HTR4: variants seen among roughly 807,000 people sequenced by gnomAD.
HTR4 encodes the protein 5-hydroxytryptamine receptor 4.
A neutral mutation model predicts 36.8 loss-of-function variants in HTR4; 16 were observed. That is an observed-to-expected ratio of 0.43 (90% CI 0.29 to 0.66). HTR4 has a LOEUF of 0.66. Among genes scored for constraint, HTR4 ranks in the 30% least tolerant of loss-of-function variants. The probability of loss-of-function intolerance (pLI) is 0.13; values close to 1 mark genes in which losing one functional copy is unlikely to be tolerated. For synonymous variants in HTR4, 189 were observed against 185.1 expected (o/e 1.02, Z -0.17); for missense variants, 438 against 490.9 (o/e 0.89, Z 1.02).
intron 5 of HTR4, 32 bp downstream of exon 5, chr5:148,523,161 A>G (rs774841982): frequency 6.3e-7 from 1 of 1,588,726 alleles, no homozygotes; most frequent in Non-Finnish European, 8.6e-7. Context: ...TTGATCAGAC[A>G]GTAAACCAGT....
In HTR4 at chr5:148,523,340, G is replaced by A. The variant is rs201815307; in HGVS notation, c.360C>T (p.Tyr120=). ...HLCCISLDRY[Y]AICCQPLVYR... ...AGACCAAAGGCTGGCAGCAGATGGC[G>A]TAATACCTGGAGAGAGAATAGAGGG... is the stretch of plus-strand genomic sequence containing the variant. The change falls in exon 5 of 7, where the codon TAC becomes TAT. Residue 120 remains tyrosine (Y), a synonymous_variant. Transcript: ENST00000377888. The A allele has an allele frequency of 8.0e-5, 128 of 1,608,206 alleles. No homozygotes were observed. The highest frequency in any genetic ancestry group is 4.0e-4 in the South Asian group (36 of 90,030).
At chr5:148,472,027 A>G (rs1755580501), downstream of HTR4, among the ~76,000 whole-genome samples, 1 of 152,156 alleles carries the variant, frequency 6.6e-6, no homozygotes, top group Non-Finnish European at 1.5e-5. Flanking sequence ...ATACTCACAT[A>G]GGGTTCCACT....
chr5:148,504,855 A>G (rs959334326), intron 6 of HTR4, among the ~76,000 whole-genome samples: 1 of 152,248 alleles, frequency 6.6e-6, no homozygotes, highest in Non-Finnish European at 1.5e-5. Context: ...ATCAGAGAAT[A>G]CTATAAACAC....
At chr5:148,594,351 CGTGTGTGT>C (rs59165561) in intron 2 of HTR4, among the ~76,000 whole-genome samples, 2 of 148,566 alleles carry the variant, frequency 1.3e-5, no homozygotes, top group African/African-American at 2.5e-5. Flanking sequence ...TTCTGGGTTT[CGTGTGTGT>C]GTGTGTGTGT....
intron 2 of HTR4, among the ~76,000 whole-genome samples, chr5:148,561,059 T>C (rs1380185395): frequency 2.0e-5 from 3 of 151,962 alleles, no homozygotes; most frequent in Non-Finnish European, 4.4e-5. Flanking sequence ...TTTTATTTGA[T>C]TTTTTTTGAA....
At chr5:148,568,865 GT>G (rs1243727901) in intron 2 of HTR4, among the ~76,000 whole-genome samples, 2 of 152,064 alleles carry the variant, frequency 1.3e-5, no homozygotes, top group Admixed American at 6.6e-5. Context: ...TGTTGCTATA[GT>G]TTTTTGTAAA....
intron 2 of HTR4, among the ~76,000 whole-genome samples, chr5:148,552,692 T>C (rs1163517825): frequency 6.6e-6 from 1 of 152,268 alleles, no homozygotes; most frequent in Non-Finnish European, 1.5e-5. Flanking sequence ...TACTGTTATC[T>C]GAAATGACTT....
At chr5:148,488,573 A>G (rs6883389) in intron 6 of HTR4, among the ~76,000 whole-genome samples, 24,634 of 152,150 alleles carry the variant, frequency 0.16, 3,685 homozygotes, top group African/African-American at 0.38. Context: ...AAATAATAGC[A>G]TGGCATGGGT....
intron 4 of HTR4, among the ~76,000 whole-genome samples, chr5:148,526,345 T>C (rs749977218): frequency 3.3e-5 from 5 of 152,198 alleles, no homozygotes; most frequent in Non-Finnish European, 7.3e-5. Flanking sequence ...TCAATATACT[T>C]TCAGATCATA....
At chr5:148,554,960 T>A (rs905574237) in intron 2 of HTR4, among the ~76,000 whole-genome samples, 4 of 152,074 alleles carry the variant, frequency 2.6e-5, no homozygotes, top group Non-Finnish European at 5.9e-5. Flanking sequence ...TCCATCGATG[T>A]TGCTGCAAAG....
intron 1 of HTR4, among the ~76,000 whole-genome samples, chr5:148,653,697 G>A (rs893129387): frequency 4.0e-5 from 6 of 151,786 alleles, no homozygotes; most frequent in African/African-American, 1.5e-4. Flanking sequence ...TTACACACTT[G>A]GCTATGGATG....
At chr5:148,502,655 T>C (rs1220514779) in intron 6 of HTR4, among the ~76,000 whole-genome samples, 2 of 152,166 alleles carry the variant, frequency 1.3e-5, no homozygotes, top group African/African-American at 4.8e-5. Flanking sequence ...GAGAATGACT[T>C]TGACAAGTTG....
chr5:148,566,690 T>A (rs932438743), intron 2 of HTR4, among the ~76,000 whole-genome samples: 1 of 152,166 alleles, frequency 6.6e-6, no homozygotes, highest in Non-Finnish European at 1.5e-5. Flanking sequence ...AAATCTGGTA[T>A]ATGTATGTGA....
downstream of HTR4, among the ~76,000 whole-genome samples, chr5:148,478,125 G>A (rs958488008): frequency 2.0e-5 from 3 of 152,200 alleles, no homozygotes; most frequent in Non-Finnish European, 4.4e-5. Context: ...AAGAGACCCT[G>A]CCTCATAGTC....
rs114713125 is a variant in HTR4 at position 148,564,350 on chromosome 5, G to A, written c.27-14088C>T. ...TCCTGACCTCAATATTGTCCCTGTC[G>A]TATATGCTTCCATTGTACCCTATAA... On this transcript the variant is annotated intron_variant, in intron 2 of 6. Transcript: ENST00000377888. Among the ~76,000 whole-genome samples the A allele has an allele frequency of 7.0e-3, 1,061 of 152,126 alleles. 10 individuals are homozygous for A. The highest frequency in any genetic ancestry group is 0.024 in the African/African-American group (983 of 41,488).
In HTR4 at chr5:148,481,967, T is replaced by C. The variant is rs940833446; in HGVS notation, c.*1236A>G. 3 of 1,050,294 alleles carry C rather than the reference T, an allele frequency of 2.9e-6. No homozygotes were observed. Among genetic ancestry groups the C allele is most frequent in the African/African-American group, 3.4e-5 (2 of 59,252 alleles). 65.1% of individuals were successfully genotyped at this position (1,050,294 alleles called of 1,614,324 possible). A position where few individuals can be genotyped will look rare whatever the true frequency, so the allele number is the denominator to read the frequency against. The stretch of plus-strand genomic sequence containing the variant: ...GGCTTCTCGAGGTAGCAGACGGCTA[T>C]AGCAGCATACTGTTGTCTTAGAAAC... On this transcript the variant is annotated 3_prime_UTR_variant, in exon 7 of 7. Transcript: ENST00000377888.
At chr5:148,635,668 A>G (rs1753507729) in intron 2 of HTR4, among the ~76,000 whole-genome samples, 1 of 152,192 alleles carries the variant, frequency 6.6e-6, no homozygotes, top group Non-Finnish European at 1.5e-5. Context: ...CTGAAATTTA[A>G]AACAATATTA....
At chr5:148,566,638 G>T (rs761018245) in intron 2 of HTR4, among the ~76,000 whole-genome samples, 1 of 152,076 alleles carries the variant, frequency 6.6e-6, no homozygotes, top group Non-Finnish European at 1.5e-5. Context: ...AAGAAATTTG[G>T]CATTTCGTAC....
intron 2 of HTR4, among the ~76,000 whole-genome samples, chr5:148,597,751 A>G (rs925467346): frequency 2.6e-5 from 4 of 152,184 alleles, no homozygotes; most frequent in Admixed American, 6.5e-5. Context: ...ATGTTAAAGA[A>G]TCAATTTCTT....
Sources: allele counts gnomAD v4.1 joint callset (sites outside exome capture counted in the v4.1 genomes callset), GRCh38; gene constraint gnomAD v4.1.1; transcripts MANE v1.5; gene names NCBI Gene and HGNC (gene_info 2026-07-23, HGNC 2026-07-21).